The following EHBP1 variants were observed in gnomAD, a reference collection of about 807,000 sequenced individuals.
EHBP1 encodes the protein EH domain binding protein 1.
In EHBP1, 55 loss-of-function variants were observed where a neutral mutation model predicts 144.0. The observed-to-expected ratio is 0.38, with a 90% CI of 0.31 to 0.48. The LOEUF is 0.48. Ranked by LOEUF, EHBP1 falls within the 20% of genes least tolerant of loss-of-function variation. The pLI is 0.98. For synonymous variants in EHBP1, 469 were observed against 472.7 expected (o/e 0.99, Z 0.10); for missense variants, 1,200 against 1,364.2 (o/e 0.88, Z 1.90).
upstream of EHBP1, among the ~76,000 whole-genome samples, chr2:62,705,339 C>G (rs544118011): frequency 6.6e-6 from 1 of 152,250 alleles, no homozygotes; most frequent in South Asian, 2.1e-4. Context: ...GGGCCAGAAA[C>G]CCAGCCCCGC....
At chr2:62,839,762 C>G (rs569063938) in intron 7 of EHBP1, among the ~76,000 whole-genome samples, 9 of 152,212 alleles carry the variant, frequency 5.9e-5, no homozygotes, top group African/African-American at 2.2e-4. Flanking sequence ...AATAAAATAC[C>G]TAGGAATCCA....
Position 62,826,098 on chromosome 2 carries a change from TG to T in EHBP1, c.326del (p.Gly109ValfsTer13). The stretch of plus-strand genomic sequence containing the variant: ...CTTTAATCTTCCAGGAATCCCCTTC[TG>T]GTCGAAGGAAAGCTCTTGCTACTAG... ...TFVIENESPS[G>X]RRKALATSSI... On this transcript the variant is annotated frameshift_variant, in exon 6 of 23. Coordinates refer to ENST00000431489, the MANE Select transcript of EHBP1 (RefSeq NM_001142616.3). LOFTEE classifies it high-confidence loss of function. 6.8e-7 allele frequency: 1 copy of T among 1,480,596 alleles called. No individual in the cohort carries two copies. The highest frequency in any genetic ancestry group is 1.4e-5 in the African/African-American group (1 of 69,384). The allele number at this position is 1,480,596 out of a possible 1,614,324, so 91.7% of individuals were successfully genotyped here. A position where few individuals can be genotyped will look rare whatever the true frequency, so the allele number is the denominator to read the frequency against.
In EHBP1 at chr2:62,993,614, A is replaced by G. The variant is rs764326041; in HGVS notation, c.2818A>G (p.Thr940Ala). Residue 940 changes from threonine to alanine, a missense_variant, in exon 17 of 23, where the codon ACA becomes GCA. Around this residue, in one of 6 missense-constraint regions of EHBP1, gnomAD observed 543 missense variants for 513.1 expected, o/e 1.06. Coordinates refer to ENST00000431489, the MANE Select transcript of EHBP1 (RefSeq NM_001142616.3). Reference protein sequence around the residue: ...RNPVVFSKDSTVRKTQLQSFS... With the variant: ...RNPVVFSKDSAVRKTQLQSFS... ...TCCTGTTGTGTTCAGCAAAGATTCT[A>G]CAGTCAGAAAAACTCAACTTCAGTC... 1.2e-6 allele frequency: 2 copies of G among 1,610,198 alleles called. No homozygotes were observed. Among genetic ancestry groups the G allele is most frequent in the Non-Finnish European group, 1.7e-6 (2 of 1,177,656 alleles).
At chr2:62,864,700 G>A (rs761216266) in intron 8 of EHBP1, 31 bp from the exon 9 acceptor site, 3 of 1,574,092 alleles carry the variant, frequency 1.9e-6, no homozygotes, top group African/African-American at 2.7e-5. Context: ...TGGTATTCAT[G>A]TGATTTAATT....
chr2:62,979,413 C>T (rs1387604108), intron 15 of EHBP1, 78 bp downstream of exon 15: 2 of 1,446,520 alleles, frequency 1.4e-6, no homozygotes, highest in Non-Finnish European at 1.9e-6. Context: ...TTTATTCTTA[C>T]TTCAAAATGT....
At chr2:62,968,649 CA>C (rs2058354342) in intron 14 of EHBP1, among the ~76,000 whole-genome samples, 1 of 152,138 alleles carries the variant, frequency 6.6e-6, no homozygotes, top group Non-Finnish European at 1.5e-5. Context: ...TTTGACGTTA[CA>C]TTTTTTTGTT....
intron 7 of EHBP1, among the ~76,000 whole-genome samples, chr2:62,842,740 A>G (rs1043419546): frequency 6.6e-6 from 1 of 152,210 alleles, no homozygotes; most frequent in South Asian, 2.1e-4. Flanking sequence ...TGTATTATTT[A>G]TAGATGGCTT....
At chr2:62,687,795 C>CTGT (rs2033768183) in intron 1 of EHBP1, among the ~76,000 whole-genome samples, 1 of 152,122 alleles carries the variant, frequency 6.6e-6, no homozygotes, top group Admixed American at 6.6e-5. Flanking sequence ...ATGAAAAGAT[C>CTGT]AAGGAGACAA....
intron 12 of EHBP1, among the ~76,000 whole-genome samples, chr2:62,947,797 G>T (rs2057148717): frequency 6.6e-6 from 1 of 152,034 alleles, no homozygotes; most frequent in South Asian, 2.1e-4. Context: ...AAATGTTTCT[G>T]TTTCTAGGCT....
At chr2:62,863,878 G>A (rs1205271960) in intron 8 of EHBP1, among the ~76,000 whole-genome samples, 25 of 100,350 alleles carry the variant, frequency 2.5e-4, no homozygotes, top group Non-Finnish European at 3.7e-4. Flanking sequence ...ACAGAGTCTC[G>A]CTCTGTTGCC....
At chr2:63,031,649 C>CT (rs2061252442) in intron 19 of EHBP1, among the ~76,000 whole-genome samples, 1 of 152,170 alleles carries the variant, frequency 6.6e-6, no homozygotes, top group African/African-American at 2.4e-5. Context: ...AAACTATTGG[C>CT]TGGGCACAGT....
chr2:62,819,351 G>A (rs1022322131), intron 5 of EHBP1, among the ~76,000 whole-genome samples: 1 of 152,212 alleles, frequency 6.6e-6, no homozygotes, highest in African/African-American at 2.4e-5. Flanking sequence ...AGGTGTACAT[G>A]TACATATCCT....
chr2:62,975,228 G>C (rs2058659576), intron 14 of EHBP1, among the ~76,000 whole-genome samples: 1 of 152,188 alleles, frequency 6.6e-6, no homozygotes, highest in African/African-American at 2.4e-5. Flanking sequence ...AAAGAGGACA[G>C]AATATAAGAA....
chr2:62,754,441 G>T lies in EHBP1; in HGVS notation c.162+6989G>T, dbSNP rs576076632. 5.3e-5 allele frequency among the ~76,000 whole-genome samples: 8 copies of T among 152,272 alleles called. No homozygotes were observed. The South Asian group carries it at 1.0e-3, about 20-fold the overall frequency. The stretch of plus-strand genomic sequence containing the variant: ...CCCAGTTAGGCTACTCGGGGTTTAG[G>T]GACCCACTTGAGGAGGCAGTCTGTC... On this transcript the variant is annotated intron_variant, in intron 3 of 22. Coordinates refer to ENST00000431489, the MANE Select transcript of EHBP1 (RefSeq NM_001142616.3).
intron 3 of EHBP1, among the ~76,000 whole-genome samples, chr2:62,747,903 C>G (rs909231987): frequency 6.6e-6 from 1 of 151,878 alleles, no homozygotes; most frequent in African/African-American, 2.4e-5. Flanking sequence ...CCTTTTTGCC[C>G]TCTGCCTTCT....
chr2:62,937,919 G>C (rs1029266652), intron 10 of EHBP1, among the ~76,000 whole-genome samples: 1 of 152,140 alleles, frequency 6.6e-6, no homozygotes, highest in African/African-American at 2.4e-5. Flanking sequence ...CTATGACATG[G>C]GTTGGTTACC....
At chr2:62,979,486 G>T (rs1252131584) in intron 15 of EHBP1, 151 bp downstream of exon 15, 1 of 819,424 alleles carries the variant, frequency 1.2e-6, no homozygotes, top group Non-Finnish European at 1.8e-6. Context: ...AGGAAGCATA[G>T]TAAATTAGAA....
upstream of EHBP1, among the ~76,000 whole-genome samples, chr2:62,701,848 T>G (rs778482728): frequency 6.6e-6 from 1 of 152,106 alleles, no homozygotes; most frequent in African/African-American, 2.4e-5. Context: ...TTGTTGTGTA[T>G]AGTATAACCA....
chr2:62,948,173 A>G, intron 12 of EHBP1, 87 bp from the exon 13 acceptor site: 28 of 1,275,650 alleles, frequency 2.2e-5, no homozygotes, highest in Non-Finnish European at 2.8e-5. Context: ...ATGTACCCAA[A>G]CAACAAAAAT....
Sources: gnomAD v4.1 joint callset for allele counts (sites outside exome capture counted in the v4.1 genomes callset) on GRCh38, gnomAD v4.1.1 for gene constraint, gnomAD v4.1.1 regional missense constraint, MANE v1.5 for transcripts, NCBI Gene and HGNC (gene_info 2026-07-23, HGNC 2026-07-21) for gene names.